The following PRKAA2 variants were observed in gnomAD, a reference collection of about 807,000 sequenced individuals.
The protein encoded by PRKAA2 is protein kinase AMP-activated catalytic subunit alpha 2, also known as 5'-AMP-activated protein kinase catalytic subunit alpha-2.
A neutral mutation model predicts 56.3 loss-of-function variants in PRKAA2; 40 were observed. That is an observed-to-expected ratio of 0.71 (90% CI 0.55 to 0.92). PRKAA2 has a LOEUF of 0.92. PRKAA2 is among the 40% of genes least tolerant of loss of function. PRKAA2 has a pLI of 0.00. For synonymous variants in PRKAA2, 214 were observed against 234.2 expected (o/e 0.91, Z 0.79); for missense variants, 542 against 686.9 (o/e 0.79, Z 2.36).
Position 56,709,639 on chromosome 1 carries a change from A to T in PRKAA2, c.*1926A>T, listed in dbSNP as rs890034410. 1.1e-4 allele frequency: 16 copies of T among 152,134 alleles called. No homozygotes were observed. The highest frequency in any genetic ancestry group is 3.4e-4 in the African/African-American group (14 of 41,464). The allele number at this position is 152,134 out of a possible 1,614,324, so 9.4% of individuals were successfully genotyped here. A position where few individuals can be genotyped will look rare whatever the true frequency, so the allele number is the denominator to read the frequency against. ...AGGGCCACCTCATAATATTTGCCTGATTATGAATGGAATTACCTTAGAAAT... is the reference window on the plus strand; with the variant it reads ...AGGGCCACCTCATAATATTTGCCTGTTTATGAATGGAATTACCTTAGAAAT... On this transcript the variant is annotated 3_prime_UTR_variant, in exon 9 of 9. Coordinates refer to ENST00000371244, the MANE Select transcript of PRKAA2 (RefSeq NM_006252.4).
chr1:56,651,933 C>T (rs1018773760), intron 1 of PRKAA2, among the ~76,000 whole-genome samples: 2 of 151,528 alleles, frequency 1.3e-5, no homozygotes, highest in African/African-American at 4.9e-5. Flanking sequence ...GCTCCGCCTC[C>T]TGGGTTCACG....
In PRKAA2 at chr1:56,708,606, T is replaced by C. The variant is rs562938863; in HGVS notation, c.*893T>C. The C allele has an allele frequency of 2.0e-5, 3 of 152,358 alleles. No homozygotes were observed. The highest frequency in any genetic ancestry group is 7.2e-5 in the African/African-American group (3 of 41,590). 9.4% of individuals were successfully genotyped at this position (152,358 alleles called of 1,614,324 possible). Reference sequence around the variant, plus strand: ...TCAACAGTCCCTTAAATGAGAATCCTTATCTTTGATCTTTATTTTCTGTGT... The same window carrying C: ...TCAACAGTCCCTTAAATGAGAATCCCTATCTTTGATCTTTATTTTCTGTGT... On this transcript the variant is annotated 3_prime_UTR_variant, in exon 9 of 9. Transcript: ENST00000371244.
chr1:56,693,942 T>G lies in PRKAA2; in HGVS notation c.563+90T>G, dbSNP rs560137895. On this transcript the variant is annotated intron_variant, in intron 5 of 8. Transcript: ENST00000371244. ...ATATATTCTCTATGGAAGGTAAGAT[T>G]TTAACATGGTAGAAATGGATTATTC... 3.8e-4 allele frequency: 322 copies of G among 841,142 alleles called. 1 individual carries two copies. In the African/African-American group the frequency reaches 5.0e-3, roughly 13 times the overall value. 52.1% of individuals were successfully genotyped at this position (841,142 alleles called of 1,614,324 possible). A position where few individuals can be genotyped will look rare whatever the true frequency, so the allele number is the denominator to read the frequency against.
intron 7 of PRKAA2, among the ~76,000 whole-genome samples, chr1:56,705,523 G>A (rs1325021664): frequency 6.6e-6 from 1 of 152,042 alleles, no homozygotes; most frequent in African/African-American, 2.4e-5. Context: ...AGCCTCCCTA[G>A]TAGCTGGGAC....
intron 1 of PRKAA2, among the ~76,000 whole-genome samples, chr1:56,659,188 T>G (rs1459984999): frequency 6.6e-6 from 1 of 151,988 alleles, no homozygotes; most frequent in Non-Finnish European, 1.5e-5. Flanking sequence ...CTAGATTAAC[T>G]TAAATTTTAA....
Position 56,707,595 on chromosome 1 carries a change from G to T in PRKAA2, c.1541G>T (p.Gly514Val), listed in dbSNP as rs570406612. The T allele has an allele frequency of 6.2e-7, 1 of 1,613,926 alleles. No homozygotes were observed. The highest frequency in any genetic ancestry group is 1.3e-5 in the African/African-American group (1 of 74,980). Residue 514 changes from glycine (G) to valine (V), a missense_variant, in exon 9 of 9, where the codon GGC (glycine) becomes GTC (valine). Transcript: ENST00000371244. ...ACTGCAGAGAGCCATTCACTTTCTG[G>T]CTCTCTCACTGGCTCTTTGACCGGA... Reference protein sequence around the residue: ...STTAESHSLSGSLTGSLTGST... With the variant: ...STTAESHSLSVSLTGSLTGST...
At chr1:56,670,581 G>A (rs907992701) in intron 1 of PRKAA2, among the ~76,000 whole-genome samples, 1 of 152,192 alleles carries the variant, frequency 6.6e-6, no homozygotes, top group Non-Finnish European at 1.5e-5. Flanking sequence ...TGTACGCTGG[G>A]TAGCCATGTA....
chr1:56,680,933 ACT>A (rs1362444558), intron 2 of PRKAA2, among the ~76,000 whole-genome samples: 1 of 152,216 alleles, frequency 6.6e-6, no homozygotes, highest in African/African-American at 2.4e-5. Flanking sequence ...GAATCACCAC[ACT>A]GTGTTCCACA....
chr1:56,690,430 A>G (rs578049618), intron 2 of PRKAA2, among the ~76,000 whole-genome samples: 1 of 152,288 alleles, frequency 6.6e-6, no homozygotes, highest in African/African-American at 2.4e-5. Flanking sequence ...CGGCCTCCCA[A>G]AGTGCTGGGA....
At chr1:56,692,306 C>T (rs1157146124) in intron 3 of PRKAA2, 52 bp from the exon 4 acceptor site, 1 of 1,607,360 alleles carries the variant, frequency 6.2e-7, no homozygotes, top group Non-Finnish European at 8.5e-7. Context: ...AGGCATGAGC[C>T]ACTGTGCCCA....
chr1:56,666,961 T>C (rs936939919), intron 1 of PRKAA2, among the ~76,000 whole-genome samples: 2 of 152,314 alleles, frequency 1.3e-5, no homozygotes, highest in Admixed American at 1.3e-4. Flanking sequence ...CCAGAGCTTC[T>C]GTCCAACACC....
chr1:56,664,267 A>G (rs140136280), intron 1 of PRKAA2, among the ~76,000 whole-genome samples: 118 of 152,252 alleles, frequency 7.8e-4, no homozygotes, highest in Non-Finnish European at 1.3e-3. Context: ...TTGCTTTAAC[A>G]TTAGCAGAAT....
intron 5 of PRKAA2, 82 bp from the exon 6 acceptor site, chr1:56,695,853 G>A: frequency 1.7e-6 from 2 of 1,144,806 alleles, no homozygotes; most frequent in Non-Finnish European, 2.6e-6. Context: ...ACTGAATGTA[G>A]ACTACCTATA....
At chr1:56,659,959 G>A (rs1225483505) in intron 1 of PRKAA2, among the ~76,000 whole-genome samples, 3 of 152,076 alleles carry the variant, frequency 2.0e-5, no homozygotes, top group South Asian at 4.1e-4. Context: ...AAAGAAGTTA[G>A]GTGTAGAGCA....
intron 7 of PRKAA2, among the ~76,000 whole-genome samples, chr1:56,705,107 G>A (rs1194727362): frequency 6.6e-6 from 1 of 151,994 alleles, no homozygotes; most frequent in African/African-American, 2.4e-5. Context: ...TTTCACTCTT[G>A]TTCTTTTCTT....
In PRKAA2 at chr1:56,695,200, A is replaced by T. The variant is rs1035351057; in HGVS notation, c.564-735A>T. 6.3e-3 allele frequency among the ~76,000 whole-genome samples: 760 copies of T among 120,778 alleles called. 6 individuals carry two copies. Among genetic ancestry groups the T allele is most frequent in the Non-Finnish European group, 8.8e-3 (565 of 64,444 alleles). 79.2% of individuals were successfully genotyped at this position (120,778 alleles called of 152,430 possible). ...TGATATATTATATATATATATATATATATTTTTTGTTTTGAGATAGAGTCT... is the reference window on the plus strand; with the variant it reads ...TGATATATTATATATATATATATATTTATTTTTTGTTTTGAGATAGAGTCT... On this transcript the variant is annotated intron_variant, in intron 5 of 8. Transcript: ENST00000371244.
intron 1 of PRKAA2, among the ~76,000 whole-genome samples, chr1:56,662,827 A>C (rs945172647): frequency 8.1e-6 from 1 of 123,042 alleles, no homozygotes; most frequent in Non-Finnish European, 1.8e-5. Context: ...TTGGATGCCT[A>C]ATGATTTTCC....
chr1:56,663,321 C>G (rs565262700), intron 1 of PRKAA2, among the ~76,000 whole-genome samples: 2 of 152,278 alleles, frequency 1.3e-5, no homozygotes, highest in African/African-American at 4.8e-5. Context: ...CTCCTGGGCT[C>G]AAGCGATCCT....
intron 1 of PRKAA2, 21 bp from the exon 2 acceptor site, chr1:56,674,360 T>A: frequency 1.3e-6 from 2 of 1,522,490 alleles, no homozygotes; most frequent in Non-Finnish European, 1.8e-6. Context: ...GCACATTTTT[T>A]TTCCTTTTTC....
Sources: allele counts gnomAD v4.1 joint callset (sites outside exome capture counted in the v4.1 genomes callset), GRCh38; gene constraint gnomAD v4.1.1; transcripts MANE v1.5; gene names NCBI Gene and HGNC (gene_info 2026-07-23, HGNC 2026-07-21).